The following ATXN1 variants were observed in gnomAD, a reference collection of about 807,000 sequenced individuals.
ATXN1 encodes the protein ataxin 1.
In ATXN1, 8 loss-of-function variants were observed where a neutral mutation model predicts 56.4. The ratio of observed to expected loss-of-function variants is 0.14; its 90% CI spans 0.08 to 0.26. The LOEUF (loss-of-function observed/expected upper bound fraction) is 0.26. Among genes scored for constraint, ATXN1 ranks in the 10% least tolerant of loss-of-function variants. ATXN1 has a pLI of 1.00. For missense variants in ATXN1, 987 were observed against 1,106.5 expected, an observed-to-expected ratio of 0.89 and a Z score of 1.53; for synonymous variants, 514 against 494.6, an observed-to-expected ratio of 1.04 and a Z score of -0.52.
intron 5 of ATXN1, among the ~76,000 whole-genome samples, chr6:16,487,230 C>T (rs1455717076): frequency 1.3e-5 from 2 of 152,012 alleles, no homozygotes; most frequent in Admixed American, 1.3e-4. Flanking sequence ...AATACATCAT[C>T]GACAAAGGCC....
At chr6:16,634,915 T>C (rs952643585) in intron 3 of ATXN1, among the ~76,000 whole-genome samples, 3 of 152,194 alleles carry the variant, frequency 2.0e-5, no homozygotes, top group Non-Finnish European at 4.4e-5. Flanking sequence ...TATCGTTTTG[T>C]CACTTTTGTT....
chr6:16,351,384 G>A (rs1158841338), intron 6 of ATXN1, among the ~76,000 whole-genome samples: 1 of 149,912 alleles, frequency 6.7e-6, no homozygotes, highest in African/African-American at 2.4e-5. Flanking sequence ...TTCCCCCAGT[G>A]AATGTTTTTT....
At chr6:16,315,840 G>A (rs1271931148) in intron 7 of ATXN1, among the ~76,000 whole-genome samples, 1 of 152,020 alleles carries the variant, frequency 6.6e-6, no homozygotes, top group Admixed American at 6.6e-5. Flanking sequence ...TGTTTTGTTG[G>A]TGAAGATAAT....
chr6:16,637,263 G>C (rs199895496), intron 3 of ATXN1, among the ~76,000 whole-genome samples: 1 of 150,174 alleles, frequency 6.7e-6, no homozygotes, highest in Admixed American at 6.7e-5. Context: ...ACCAAACACC[G>C]CATGTTCTCA....
chr6:16,341,448 G>A (rs185064109), intron 6 of ATXN1, among the ~76,000 whole-genome samples: 96 of 151,700 alleles, frequency 6.3e-4, no homozygotes, highest in African/African-American at 2.1e-3. Context: ...ACCACCACTG[G>A]CATTTTAGGA....
In ATXN1 at chr6:16,613,088, A is replaced by T. The variant is rs533779172; in HGVS notation, c.-488-27181T>A. ...AGACCATCCTGGCTAACAAGGTGAAACCCCGTCTCTACTAAAAATACAAAA... is the reference window on the plus strand; with the variant it reads ...AGACCATCCTGGCTAACAAGGTGAATCCCCGTCTCTACTAAAAATACAAAA... On this transcript the variant is annotated intron_variant, in intron 3 of 7. Coordinates refer to ENST00000436367, the MANE Select transcript of ATXN1 (RefSeq NM_001128164.2). Among the ~76,000 whole-genome samples, 120 of 149,396 alleles carry T rather than the reference A, an allele frequency of 8.0e-4. 1 individual carries two copies. Among genetic ancestry groups the T allele is most frequent in the African/African-American group, 2.8e-3 (115 of 40,806 alleles).
At chr6:16,574,704 T>C (rs768443724) in intron 4 of ATXN1, among the ~76,000 whole-genome samples, 21 of 152,128 alleles carry the variant, frequency 1.4e-4, no homozygotes, top group Admixed American at 2.6e-4. Flanking sequence ...TTTCCCCCTA[T>C]ATTAACAGCT....
At chr6:16,619,244 T>C (rs910116396) in intron 3 of ATXN1, among the ~76,000 whole-genome samples, 1 of 152,052 alleles carries the variant, frequency 6.6e-6, no homozygotes, top group Non-Finnish European at 1.5e-5. Context: ...AAAAGCCTTA[T>C]AAAGGGCCTT....
chr6:16,448,484 G>A (rs997156490), intron 6 of ATXN1, among the ~76,000 whole-genome samples: 1 of 151,942 alleles, frequency 6.6e-6, no homozygotes, highest in Non-Finnish European at 1.5e-5. Context: ...ATATTTTGGG[G>A]GTACAAGTGA....
At chr6:16,355,173 G>A (rs1761659670) in intron 6 of ATXN1, among the ~76,000 whole-genome samples, 1 of 152,194 alleles carries the variant, frequency 6.6e-6, no homozygotes, top group Admixed American at 6.5e-5. Flanking sequence ...ATCTTCCCTT[G>A]GACTGGCCTG....
chr6:16,627,881 C>G (rs888384286), intron 3 of ATXN1, among the ~76,000 whole-genome samples: 7 of 152,176 alleles, frequency 4.6e-5, no homozygotes, highest in African/African-American at 1.4e-4. Context: ...GAAGAAGAAA[C>G]AAGGACAAGG....
chr6:16,451,599 TG>T (rs1759754182), intron 6 of ATXN1, among the ~76,000 whole-genome samples: 1 of 151,480 alleles, frequency 6.6e-6, no homozygotes, highest in Non-Finnish European at 1.5e-5. Context: ...CTGCTAAAAA[TG>T]TAAAATTAGC....
chr6:16,660,845 T>G (rs947383312), intron 2 of ATXN1, among the ~76,000 whole-genome samples: 1 of 147,296 alleles, frequency 6.8e-6, no homozygotes, highest in Non-Finnish European at 1.5e-5. Flanking sequence ...TTTTTTTTTT[T>G]TTTTTTTTTT....
At chr6:16,688,292 T>C (rs1214031914) in intron 2 of ATXN1, among the ~76,000 whole-genome samples, 1 of 152,214 alleles carries the variant, frequency 6.6e-6, no homozygotes, top group African/African-American at 2.4e-5. Context: ...TCTTGGGGTC[T>C]CCCATGCTTA....
chr6:16,536,742 T>G (rs1761607593), intron 4 of ATXN1, among the ~76,000 whole-genome samples: 1 of 152,224 alleles, frequency 6.6e-6, no homozygotes, highest in Admixed American at 6.5e-5. Context: ...GCAATTAGGC[T>G]ATTAAATAAT....
chr6:16,645,267 A>G (rs1167112477), intron 3 of ATXN1, among the ~76,000 whole-genome samples: 1 of 152,178 alleles, frequency 6.6e-6, no homozygotes, highest in East Asian at 1.9e-4. Flanking sequence ...TTCTGACCCA[A>G]TGCAGGATGC....
At chr6:16,493,446 GTTTTTTTTTT>G (rs1174959883) in intron 5 of ATXN1, among the ~76,000 whole-genome samples, 2 of 115,476 alleles carry the variant, frequency 1.7e-5, no homozygotes, top group Non-Finnish European at 3.7e-5. Flanking sequence ...TCAATCAGAA[GTTTTTTTTTT>G]TTTTTTTTTG....
chr6:16,460,872 C>T (rs1293047628), intron 6 of ATXN1, among the ~76,000 whole-genome samples: 1 of 152,140 alleles, frequency 6.6e-6, no homozygotes. Flanking sequence ...AGCCTTAGAA[C>T]CGGGAAAGGA....
In ATXN1 at chr6:16,453,076, A is replaced by T. The variant is rs548196477; in HGVS notation, c.-161+32896T>A. ...TAAAATTTTATTAGATTTGGTGTGG[A>T]GGAAAAGTTGACGTGAGAAAATAAA... On this transcript the variant is annotated intron_variant, in intron 6 of 7. Coordinates refer to ENST00000436367, the MANE Select transcript of ATXN1 (RefSeq NM_001128164.2). Among the ~76,000 whole-genome samples the T allele has an allele frequency of 2.0e-5, 3 of 152,308 alleles. No individual in the cohort carries two copies. In the East Asian group the frequency reaches 5.8e-4, roughly 29 times the overall value.
Sources: gnomAD v4.1 joint callset for allele counts (sites outside exome capture counted in the v4.1 genomes callset) on GRCh38, gnomAD v4.1.1 for gene constraint, MANE v1.5 for transcripts, NCBI Gene and HGNC (gene_info 2026-07-23, HGNC 2026-07-21) for gene names.